CFAP57: variants seen among roughly 807,000 people sequenced by gnomAD.
The protein encoded by CFAP57 is cilia and flagella associated protein 57, also known as cilia- and flagella-associated protein 57.
In CFAP57, 116 loss-of-function variants were observed where a neutral mutation model predicts 146.8. The ratio of observed to expected loss-of-function variants is 0.79; its 90% confidence interval spans 0.68 to 0.92. The LOEUF (loss-of-function observed/expected upper bound fraction) is 0.92, where lower values mean the gene tolerates loss of function less well. Among genes scored for constraint, CFAP57 ranks in the 40% least tolerant of loss-of-function variants. The pLI is 0.00. For synonymous variants in CFAP57, 518 were observed against 552.8 expected (o/e 0.94, Z 0.88); for missense variants, 1,377 against 1,527.2 (o/e 0.90, Z 1.64).
At chr1:43,209,955 C>G (rs765749251) in intron 11 of CFAP57, 39 bp downstream of exon 11, 1 of 1,613,794 alleles carries the variant, frequency 6.2e-7, no homozygotes, top group South Asian at 1.1e-5. Context: ...AGTCCCACAC[C>G]TGCCTGCTAC....
intron 22 of CFAP57, among the ~76,000 whole-genome samples, chr1:43,251,181 T>G (rs542038368): frequency 2.0e-5 from 3 of 152,330 alleles, no homozygotes; most frequent in Admixed American, 1.3e-4. Context: ...ACCAGGAGTT[T>G]GGTCAAGGTC....
intron 2 of CFAP57, among the ~76,000 whole-genome samples, chr1:43,173,179 T>G (rs1645043129): frequency 6.6e-6 from 1 of 152,246 alleles, no homozygotes; most frequent in African/African-American, 2.4e-5. Context: ...CCTCTTTTGG[T>G]GTCTTCAATA....
At chr1:43,250,225 A>C (rs996616015) in intron 22 of CFAP57, 3 of 152,122 alleles carry the variant, frequency 2.0e-5, no homozygotes, top group Admixed American at 6.5e-5. Flanking sequence ...TTACCTTAGA[A>C]CTCTAGCCAT....
At chr1:43,252,712 TAAA>T (rs1370080119) in intron 22 of CFAP57, among the ~76,000 whole-genome samples, 1 of 151,714 alleles carries the variant, frequency 6.6e-6, no homozygotes, top group African/African-American at 2.4e-5. Context: ...TCTGAAAAAA[TAAA>T]AAAGGAATTT....
intron 2 of CFAP57, among the ~76,000 whole-genome samples, chr1:43,173,130 C>CT (rs1645041672): frequency 6.6e-6 from 1 of 152,164 alleles, no homozygotes; most frequent in African/African-American, 2.4e-5. Flanking sequence ...TTTAAAAGTA[C>CT]TTTTTTCACT....
chr1:43,208,252 A>G (rs1049795465), intron 10 of CFAP57, among the ~76,000 whole-genome samples: 1 of 152,230 alleles, frequency 6.6e-6, no homozygotes, highest in Non-Finnish European at 1.5e-5. Context: ...TGATTCCTCA[A>G]GGATCTAGAA....
chr1:43,191,417 C>A (rs575721914), intron 6 of CFAP57, among the ~76,000 whole-genome samples: 1 of 152,002 alleles, frequency 6.6e-6, no homozygotes, highest in Non-Finnish European at 1.5e-5. Context: ...GAAACCCCGT[C>A]TCTACTAAAA....
intron 11 of CFAP57, 99 bp downstream of exon 11, chr1:43,210,015 TCTC>T (rs1246392969): frequency 1.2e-6 from 2 of 1,613,456 alleles, no homozygotes; most frequent in Non-Finnish European, 8.5e-7. Flanking sequence ...CTCTCCTTCT[TCTC>T]TCTTATTTAT....
At chr1:43,183,474 T>C (rs887136699) in intron 3 of CFAP57, 117 bp from the exon 4 acceptor site, 7 of 904,802 alleles carry the variant, frequency 7.7e-6, no homozygotes, top group Non-Finnish European at 1.2e-5. Flanking sequence ...CATGATTTTG[T>C]GATGTTTTGG....
At chr1:43,216,257 G>C (rs1182445230) in intron 12 of CFAP57, among the ~76,000 whole-genome samples, 1 of 152,184 alleles carries the variant, frequency 6.6e-6, no homozygotes, top group Non-Finnish European at 1.5e-5. Context: ...AGTCAAGTGA[G>C]GGATAGAAAC....
At position 43,234,607 on chromosome 1, in the gene CFAP57, T is replaced by C; in HGVS notation, c.3374T>C (p.Leu1125Pro). The change falls in exon 21 of 23, where the codon CTG (leucine) becomes CCG (proline). Residue 1125 changes from leucine (L) to proline (P), a missense_variant. Physicochemically the swap from Leu to Pro is moderately conservative, Grantham distance 98. Transcript: ENST00000372492. ...AAGAAGGTGGTCAAGGAGGGCGAGCTGCACCGCACAGACTACGTCCGCATC... is the reference window on the plus strand; with the variant it reads ...AAGAAGGTGGTCAAGGAGGGCGAGCCGCACCGCACAGACTACGTCCGCATC... ...LKKKVVKEGE[L>P]HRTDYVRIMQ... 2 of 1,550,410 alleles carry C rather than the reference T, an allele frequency of 1.3e-6. No homozygotes were observed. Among genetic ancestry groups the C allele is most frequent in the East Asian group, 2.4e-5 (1 of 40,886 alleles).
chr1:43,224,395 G>T (rs533059556), intron 17 of CFAP57, among the ~76,000 whole-genome samples, 191 bp downstream of exon 17: 6 of 152,236 alleles, frequency 3.9e-5, no homozygotes, highest in African/African-American at 1.2e-4. Flanking sequence ...ATCACTTTCA[G>T]CTCTGCCAAC....
intron 18 of CFAP57, among the ~76,000 whole-genome samples, chr1:43,228,383 G>C (rs56195803): frequency 1.3e-5 from 2 of 149,864 alleles, no homozygotes; most frequent in Non-Finnish European, 3.0e-5. Context: ...GACCGCCCTA[G>C]ACAAAATAGG....
intron 21 of CFAP57, among the ~76,000 whole-genome samples, chr1:43,241,174 G>T (rs924075840): frequency 6.6e-6 from 1 of 152,126 alleles, no homozygotes; most frequent in African/African-American, 2.4e-5. Context: ...TTGCAGGAAC[G>T]AATAGAACAA....
intron 9 of CFAP57, chr1:43,206,507 T>C (rs1644362141): frequency 1.7e-6 from 1 of 581,446 alleles, no homozygotes; most frequent in Non-Finnish European, 3.1e-6. Flanking sequence ...GAAAAAGAAA[T>C]GAGAGTGTTT....
At chr1:43,213,794 C>T (rs1439651938) in intron 11 of CFAP57, among the ~76,000 whole-genome samples, 1 of 151,912 alleles carries the variant, frequency 6.6e-6, no homozygotes, top group Non-Finnish European at 1.5e-5. Context: ...ATTTGCATTT[C>T]CCTGATGATT....
chr1:43,177,139 A>T (rs1366766699), intron 2 of CFAP57: 1 of 456,300 alleles, frequency 2.2e-6, no homozygotes, highest in South Asian at 1.5e-5. Context: ...TGGCTGCTGT[A>T]CAGAGGACAG....
At chr1:43,239,491 C>G (rs1645827841) in intron 21 of CFAP57, among the ~76,000 whole-genome samples, 1 of 152,124 alleles carries the variant, frequency 6.6e-6, no homozygotes, top group Non-Finnish European at 1.5e-5. Flanking sequence ...GCTCCACTTG[C>G]CGGGGGGCCT....
chr1:43,226,821 T>C (rs2124582471), intron 17 of CFAP57, among the ~76,000 whole-genome samples, 162 bp from the exon 18 acceptor site: 1 of 152,226 alleles, frequency 6.6e-6, no homozygotes, highest in South Asian at 2.1e-4. Flanking sequence ...TGTAGCCCCA[T>C]GGGGGGAGTG....
Sources: gnomAD v4.1 joint callset for allele counts (sites outside exome capture counted in the v4.1 genomes callset) on GRCh38, gnomAD v4.1.1 for gene constraint, MANE v1.5 for transcripts, NCBI Gene and HGNC (gene_info 2026-07-23, HGNC 2026-07-21) for gene names.